The following PTPRT variants were observed in gnomAD, a reference collection of about 807,000 sequenced individuals.
PTPRT encodes the protein receptor-type tyrosine-protein phosphatase T.
A neutral mutation model predicts 176.8 loss-of-function variants in PTPRT; 56 were observed. The observed-to-expected ratio is 0.32, with a 90% CI of 0.26 to 0.40. PTPRT has a LOEUF of 0.40. PTPRT is among the 10% of genes least tolerant of loss of function. The pLI, the probability that PTPRT is intolerant of heterozygous loss-of-function variation, is 1.00. For synonymous variants in PTPRT, 783 were observed against 739.0 expected (o/e 1.06, Z -0.96); for missense variants, 1,540 against 1,908.2 (o/e 0.81, Z 3.60).
intron 8 of PTPRT, among the ~76,000 whole-genome samples, chr20:42,453,598 C>T (rs1568893485): frequency 1.3e-5 from 2 of 151,774 alleles, no homozygotes; most frequent in South Asian, 4.2e-4. Flanking sequence ...TTTCTTTCTC[C>T]ATCGTTAAAT....
At chr20:42,634,698 T>C (rs960236740) in intron 7 of PTPRT, among the ~76,000 whole-genome samples, 2 of 152,118 alleles carry the variant, frequency 1.3e-5, no homozygotes, top group African/African-American at 4.8e-5. Context: ...CCCCTGCTTA[T>C]GTGAAGCATT....
chr20:42,206,199 C>T (rs149118968), intron 15 of PTPRT, among the ~76,000 whole-genome samples: 62 of 152,288 alleles, frequency 4.1e-4, no homozygotes, highest in African/African-American at 1.4e-3. Flanking sequence ...CATCTATGCC[C>T]CCACTGACTC....
chr20:42,879,444 C>T (rs1389235077), intron 2 of PTPRT, among the ~76,000 whole-genome samples: 1 of 152,168 alleles, frequency 6.6e-6, no homozygotes, highest in Non-Finnish European at 1.5e-5. Flanking sequence ...CTCCACGAGT[C>T]GTATTGGGTT....
At chr20:42,946,748 C>T (rs1001921840) in intron 1 of PTPRT, among the ~76,000 whole-genome samples, 2 of 152,202 alleles carry the variant, frequency 1.3e-5, no homozygotes, top group African/African-American at 4.8e-5. Context: ...AATGTCATGG[C>T]AACTTCCATC....
intron 7 of PTPRT, among the ~76,000 whole-genome samples, chr20:42,641,229 A>G (rs896018408): frequency 2.0e-5 from 3 of 152,142 alleles, no homozygotes; most frequent in East Asian, 3.9e-4. Context: ...AAGACCTTTC[A>G]TACACATTTC....
At chr20:42,721,348 C>T (rs1426889643) in intron 6 of PTPRT, among the ~76,000 whole-genome samples, 2 of 152,170 alleles carry the variant, frequency 1.3e-5, no homozygotes, top group Non-Finnish European at 2.9e-5. Flanking sequence ...GATGGATCCA[C>T]AGGAGGCAGG....
chr20:42,927,124 C>T (rs781530598), intron 1 of PTPRT, among the ~76,000 whole-genome samples: 8 of 152,214 alleles, frequency 5.3e-5, no homozygotes, highest in Non-Finnish European at 1.2e-4. Flanking sequence ...AAGGAATAAA[C>T]AAATCCCCTT....
Position 42,909,492 on chromosome 20 carries a change from C to T in PTPRT, c.89-23560G>A, listed in dbSNP as rs991122340. Among the ~76,000 whole-genome samples, 5 of 152,310 alleles carry T rather than the reference C, an allele frequency of 3.3e-5. No individual in the cohort carries two copies. The South Asian group carries it at 6.2e-4, about 19-fold the overall frequency. On this transcript the variant is annotated intron_variant, in intron 1 of 30. Transcript: ENST00000373187. ...GAACATATTGCACACAGCCCTTCCT[C>T]GGGCCTTGGAAGGGTAACACAATGG... is the stretch of plus-strand genomic sequence containing the variant.
At chr20:42,486,889 T>C (rs558290314) in intron 7 of PTPRT, among the ~76,000 whole-genome samples, 2 of 152,232 alleles carry the variant, frequency 1.3e-5, no homozygotes, top group African/African-American at 4.8e-5. Context: ...AATACCATAT[T>C]GAGAGAGCAA....
In PTPRT at chr20:42,788,100, C is replaced by T. The variant is rs144801337; in HGVS notation, c.486+3095G>A. ...GTCTCAAAACATCTAGGATACAACA[C>T]GTCACGTTGTTAGTGACACGTGTTA... On this transcript the variant is annotated intron_variant, in intron 3 of 30. Transcript: ENST00000373187. Among the ~76,000 whole-genome samples the T allele has an allele frequency of 9.9e-4, 150 of 152,208 alleles. 1 individual carries two copies. The highest frequency in any genetic ancestry group is 3.2e-3 in the African/African-American group (133 of 41,544).
intron 1 of PTPRT, among the ~76,000 whole-genome samples, chr20:42,976,708 G>C (rs1982978147): frequency 6.6e-6 from 1 of 152,114 alleles, no homozygotes; most frequent in African/African-American, 2.4e-5. Flanking sequence ...CACTCAGGCT[G>C]TTTATTATTA....
At chr20:42,504,453 C>G (rs1035914036) in intron 7 of PTPRT, among the ~76,000 whole-genome samples, 14 of 152,110 alleles carry the variant, frequency 9.2e-5, no homozygotes, top group African/African-American at 3.4e-4. Flanking sequence ...ATTGTTGGAA[C>G]TTTCAGAATA....
intron 1 of PTPRT, among the ~76,000 whole-genome samples, chr20:43,047,364 T>C (rs973859938): frequency 2.4e-4 from 37 of 152,302 alleles, no homozygotes; most frequent in African/African-American, 8.9e-4. Flanking sequence ...GGGGTGTCAC[T>C]CAACCAGCAG....
At chr20:42,769,726 AGGTATCCATCAACAGGTAGATGGAT>A (rs2077035260) in intron 5 of PTPRT, among the ~76,000 whole-genome samples, 1 of 152,238 alleles carries the variant, frequency 6.6e-6, no homozygotes, top group Non-Finnish European at 1.5e-5. Flanking sequence ...ACAACCCAAC[AGGTATCCATCAACAGGTAGATGGAT>A]AAACAAATAG....
chr20:42,525,122 A>G (rs1208076098), intron 7 of PTPRT, among the ~76,000 whole-genome samples: 2 of 152,070 alleles, frequency 1.3e-5, no homozygotes, highest in Admixed American at 1.3e-4. Context: ...CGCTGGGACT[A>G]TATGAGCACA....
At chr20:42,331,154 T>G (rs757583803) in intron 11 of PTPRT, among the ~76,000 whole-genome samples, 4 of 152,060 alleles carry the variant, frequency 2.6e-5, no homozygotes, top group Non-Finnish European at 4.4e-5. Context: ...CCCTTTATAC[T>G]CCTGTCAAGT....
At chr20:42,651,171 G>A (rs776986404) in intron 7 of PTPRT, among the ~76,000 whole-genome samples, 1 of 152,126 alleles carries the variant, frequency 6.6e-6, no homozygotes, top group Non-Finnish European at 1.5e-5. Context: ...ATTATTGTGA[G>A]AGAAAAAGAT....
At chr20:42,040,925 C>T in the PTPRT span, among the ~76,000 whole-genome samples, 7 of 152,284 alleles carry the variant, frequency 4.6e-5, no homozygotes, top group East Asian at 1.9e-4. Flanking sequence ...GAAGGATTTT[C>T]AGTATCATAT....
chr20:43,152,470 C>A (rs1425205307), intron 1 of PTPRT, among the ~76,000 whole-genome samples: 1 of 152,158 alleles, frequency 6.6e-6, no homozygotes, highest in African/African-American at 2.4e-5. Context: ...TGTAGCTTAG[C>A]CCATTTTTGC....
Sources: allele counts gnomAD v4.1 joint callset (sites outside exome capture counted in the v4.1 genomes callset), GRCh38; gene constraint gnomAD v4.1.1; transcripts MANE v1.5; gene names NCBI Gene and HGNC (gene_info 2026-07-23, HGNC 2026-07-21).